The following ZP3 variants were observed in gnomAD, a reference collection of about 807,000 sequenced individuals.
The protein encoded by ZP3 is zona pellucida sperm-binding protein 3.
A neutral mutation model predicts 35.6 loss-of-function variants in ZP3; 21 were observed. That is an observed-to-expected ratio of 0.59 (90% confidence interval 0.42 to 0.85). The LOEUF (loss-of-function observed/expected upper bound fraction) is 0.85. ZP3 is among the 40% of genes least tolerant of loss of function. The pLI is 0.00. For missense variants in ZP3, 437 were observed against 536.5 expected, an observed-to-expected ratio of 0.81 and a Z score of 1.83; for synonymous variants, 207 against 214.5, an observed-to-expected ratio of 0.96 and a Z score of 0.31.
At chr7:76,402,151 C>G (rs1450787489) in intron 1 of ZP3, among the ~76,000 whole-genome samples, 1 of 151,076 alleles carries the variant, frequency 6.6e-6, no homozygotes, top group Non-Finnish European at 1.5e-5. Flanking sequence ...TCCAGAATAG[C>G]TGGGACAAGC....
chr7:76,432,218 T>G (rs1470169844), intron 2 of ZP3, among the ~76,000 whole-genome samples: 1 of 151,682 alleles, frequency 6.6e-6, no homozygotes, highest in Non-Finnish European at 1.5e-5. Flanking sequence ...AGATGGAGTC[T>G]TGCTCTGTTG....
chr7:76,402,180 C>CTTTT (rs1250500290), intron 1 of ZP3, among the ~76,000 whole-genome samples: 2 of 121,160 alleles, frequency 1.7e-5, no homozygotes, highest in South Asian at 2.8e-4. Context: ...CCCTGCCCAG[C>CTTTT]TATTTTTTTT....
chr7:76,433,322 CTT>C (rs1457489715), intron 3 of ZP3, 146 bp from the exon 4 acceptor site: 2 of 847,080 alleles, frequency 2.4e-6, no homozygotes, highest in African/African-American at 1.7e-5. Context: ...ACCCAGCTAA[CTT>C]TTCTATTTTT....
At position 76,433,481 on chromosome 7, in the gene ZP3, G is replaced by T; in HGVS notation, c.547G>T (p.Ala183Ser). The change falls in exon 4 of 8, where the codon GCT (alanine) becomes TCT (serine). Residue 183 changes from alanine to serine, a missense_variant. Around this residue, in one of 6 missense-constraint regions of ZP3, gnomAD observed 352 missense variants for 308.4 expected, o/e 1.14. Coordinates refer to ENST00000394857, the MANE Select transcript of ZP3 (RefSeq NM_001110354.2). ...ACTGTGTCTTTCAGAGAACTGGAAC[G>T]CTGAGAAGAGGTCCCCCACCTTCCA... ...SLRLMEENWNAEKRSPTFHLG... is the reference protein window; with the variant it reads ...SLRLMEENWNSEKRSPTFHLG... 5 of 1,613,108 alleles carry T rather than the reference G, an allele frequency of 3.1e-6. No homozygotes were observed. Among genetic ancestry groups the T allele is most frequent in the Non-Finnish European group, 3.4e-6 (4 of 1,179,582 alleles).
intron 5 of ZP3, among the ~76,000 whole-genome samples, chr7:76,435,599 A>G (rs1363265288): frequency 6.6e-6 from 1 of 150,500 alleles, no homozygotes; most frequent in Admixed American, 6.6e-5. Context: ...CTGATTGTAG[A>G]GAGTCTCATA....
Position 76,432,936 on chromosome 7 carries a change from T to C in ZP3, c.441T>C (p.Asn147=), listed in dbSNP as rs377382354. 105 of 1,613,922 alleles carry C rather than the reference T, an allele frequency of 6.5e-5. 1 individual carries two copies. The highest frequency in any genetic ancestry group is 6.5e-4 in the East Asian group (29 of 44,882). ...GCTGTTCTTCTCTCAGGCAGGGCAA[T>C]GTGAGCAGCCAGGCCATCCTGCCCA... ...PIECRYPRQG[N]VSSQAILPTW... The change falls in exon 3 of 8, where the codon AAT becomes AAC. Residue 147 remains asparagine, a synonymous_variant. Transcript: ENST00000394857.
intron 1 of ZP3, among the ~76,000 whole-genome samples, chr7:76,413,108 G>T (rs983003086): frequency 1.3e-5 from 2 of 151,506 alleles, no homozygotes; most frequent in African/African-American, 4.8e-5. Flanking sequence ...GACTACAGGC[G>T]CGTGCCACTG....
Position 76,425,056 on chromosome 7 carries a change from G to A in ZP3, c.92G>A (p.Gly31Glu), listed in dbSNP as rs749309704. The change falls in exon 1 of 8, where the codon GGA (glycine) becomes GAA (glutamate). Residue 31 changes from glycine to glutamate, a missense_variant. Physicochemically the swap from Gly to Glu is moderately conservative, Grantham distance 98. This residue lies in a region of ZP3 where 352 missense variants were observed against 308.4 expected (regional missense o/e 1.14). Coordinates refer to ENST00000394857, the MANE Select transcript of ZP3 (RefSeq NM_001110354.2). ...CAACCCCTCTGGCTCTTGCAGGGTG[G>A]AGCCAGCCATCCTGAGACGTCCGTA... is the stretch of plus-strand genomic sequence containing the variant. ...YPQPLWLLQG[G>E]ASHPETSVQP... 4 of 1,611,008 alleles carry A rather than the reference G, an allele frequency of 2.5e-6. No individual in the cohort carries two copies. Among genetic ancestry groups the A allele is most frequent in the East Asian group, 2.2e-5 (1 of 44,836 alleles).
At chr7:76,412,237 T>C (rs899835978) in intron 1 of ZP3, among the ~76,000 whole-genome samples, 5 of 151,200 alleles carry the variant, frequency 3.3e-5, no homozygotes, top group Non-Finnish European at 7.4e-5. Flanking sequence ...TAACTGTTGA[T>C]GTATGCAACA....
chr7:76,425,523 C>T (rs1030341324), intron 1 of ZP3, among the ~76,000 whole-genome samples: 3 of 152,034 alleles, frequency 2.0e-5, no homozygotes, highest in Non-Finnish European at 2.9e-5. Flanking sequence ...CAGGCTGGCC[C>T]AAGCCACGCC....
chr7:76,418,370 G>A (rs1278591102), intron 1 of ZP3, among the ~76,000 whole-genome samples: 1 of 151,672 alleles, frequency 6.6e-6, no homozygotes, highest in Non-Finnish European at 1.5e-5. Context: ...GGCCAACGTG[G>A]TGAAACACCT....
At chr7:76,416,191 G>A (rs1805365667) in intron 1 of ZP3, among the ~76,000 whole-genome samples, 2 of 152,088 alleles carry the variant, frequency 1.3e-5, no homozygotes, top group Admixed American at 6.6e-5. Flanking sequence ...ACTTTGGGAG[G>A]CTGAGGCAGG....
intron 1 of ZP3, 146 bp downstream of exon 1, chr7:76,425,422 C>A: frequency 1.1e-6 from 1 of 880,546 alleles, no homozygotes; most frequent in Non-Finnish European, 1.7e-6. Context: ...AGGCCTGAAG[C>A]TGGCACTGAG....
intron 2 of ZP3, among the ~76,000 whole-genome samples, chr7:76,432,686 C>A (rs777286210): frequency 6.6e-6 from 1 of 152,196 alleles, no homozygotes; most frequent in Non-Finnish European, 1.5e-5. Flanking sequence ...CTGTCTTCAG[C>A]GGCCCAGATA....
chr7:76,409,965 G>A (rs1356223145), intron 1 of ZP3, among the ~76,000 whole-genome samples: 2 of 152,118 alleles, frequency 1.3e-5, no homozygotes, highest in South Asian at 2.1e-4. Flanking sequence ...GTATGGAGTG[G>A]GTTTCCCACA....
chr7:76,425,947 G>A (rs1805637148), intron 1 of ZP3, among the ~76,000 whole-genome samples: 1 of 149,570 alleles, frequency 6.7e-6, no homozygotes, highest in Non-Finnish European at 1.5e-5. Context: ...GCCAGGCATG[G>A]TGGTGCGTGT....
At chr7:76,416,608 A>C (rs1805375267) in intron 1 of ZP3, among the ~76,000 whole-genome samples, 1 of 151,788 alleles carries the variant, frequency 6.6e-6, no homozygotes, top group Non-Finnish European at 1.5e-5. Context: ...GGAGTTTGAG[A>C]CCAGCCTGGG....
Position 76,433,038 on chromosome 7 carries a change from A to G in ZP3, c.535+8A>G, listed in dbSNP as rs771772797. Reference sequence around the variant, plus strand: ...CTCTGCGTCTGATGGAGGGTAAGAGAAGAAGGCTGGGTGGGACATCTGTGG... The same window carrying G: ...CTCTGCGTCTGATGGAGGGTAAGAGGAGAAGGCTGGGTGGGACATCTGTGG... On this transcript the variant is annotated splice_region_variant and intron_variant, in intron 3 of 7. Transcript: ENST00000394857. 3.1e-6 allele frequency: 5 copies of G among 1,607,778 alleles called. No homozygotes were observed. The highest frequency in any genetic ancestry group is 4.2e-6 in the Non-Finnish European group (5 of 1,176,570).
intron 1 of ZP3, 71 bp from the exon 2 acceptor site, chr7:76,429,444 C>T: frequency 6.9e-7 from 1 of 1,450,780 alleles, no homozygotes. Flanking sequence ...CCTCCCTGAG[C>T]ACTCAGGTAT....
Sources: allele counts gnomAD v4.1 joint callset (sites outside exome capture counted in the v4.1 genomes callset), GRCh38; gene constraint gnomAD v4.1.1; regional missense constraint gnomAD v4.1.1; transcripts MANE v1.5; gene names NCBI Gene and HGNC (gene_info 2026-07-23, HGNC 2026-07-21).